The following ARHGAP8 variants were observed in gnomAD, a reference collection of about 807,000 sequenced individuals.
ARHGAP8 encodes the protein rho GTPase-activating protein 8.
Under a neutral mutation model 46.1 loss-of-function variants are expected in ARHGAP8, and 62 were observed. The observed-to-expected ratio is 1.34, with a 90% CI of 1.10 to 1.66. ARHGAP8 has a LOEUF of 1.66. Ranked by LOEUF, ARHGAP8 falls within the 40% of genes most tolerant of loss-of-function variation. The probability of loss-of-function intolerance (pLI) is 0.00; values close to 1 mark genes in which losing one functional copy is unlikely to be tolerated. For missense variants in ARHGAP8, 923 were observed against 568.4 expected (o/e 1.62, Z -6.34); for synonymous variants, 375 against 243.1 (o/e 1.54, Z -5.05).
At chr22:44,843,571 G>C (rs1238469703) in intron 7 of ARHGAP8, among the ~76,000 whole-genome samples, 1 of 152,196 alleles carries the variant, frequency 6.6e-6, no homozygotes, top group African/African-American at 2.4e-5. Flanking sequence ...GCTCATGCCT[G>C]TAATCCCAGG....
chr22:44,789,010 TC>T (rs1441628001), intron 2 of ARHGAP8, among the ~76,000 whole-genome samples: 2 of 152,240 alleles, frequency 1.3e-5, no homozygotes, highest in African/African-American at 2.4e-5. Flanking sequence ...ATCTCCTACA[TC>T]CTTATGCATA....
chr22:44,797,832 G>A (rs1569150296), intron 2 of ARHGAP8, among the ~76,000 whole-genome samples: 1 of 152,162 alleles, frequency 6.6e-6, no homozygotes. Flanking sequence ...TCAAGAGACA[G>A]GGTCTCACTC....
intron 1 of ARHGAP8, among the ~76,000 whole-genome samples, chr22:44,770,027 C>T (rs1364120998): frequency 3.9e-5 from 6 of 152,030 alleles, no homozygotes; most frequent in Admixed American, 6.6e-5. Context: ...AGGTGGATCA[C>T]GAGGTCAGGA....
rs1227374458 is a variant in ARHGAP8 at position 44,808,507 on chromosome 22, C to T, written c.299+69C>T. 5.1e-6 allele frequency: 8 copies of T among 1,579,822 alleles called. No homozygotes were observed. In the Admixed American group the frequency reaches 1.1e-4, roughly 21 times the overall value. ...GTGGCAGGAGGAGGCATTGTGGCCA[C>T]AAGGGGTCGCAGAGTGTGCAGTGGG... On this transcript the variant is annotated intron_variant, in intron 4 of 11. Coordinates refer to ENST00000356099, the MANE Select transcript of ARHGAP8 (RefSeq NM_181335.3).
At chr22:44,806,336 C>T (rs139240357) in intron 3 of ARHGAP8, among the ~76,000 whole-genome samples, 156 of 152,250 alleles carry the variant, frequency 1.0e-3, no homozygotes, top group African/African-American at 3.5e-3. Flanking sequence ...ACTTCCACAA[C>T]GGGTGAGCTG....
chr22:44,846,835 T>G (rs752536339), intron 8 of ARHGAP8, among the ~76,000 whole-genome samples: 3 of 151,094 alleles, frequency 2.0e-5, no homozygotes, highest in Non-Finnish European at 2.9e-5. Context: ...GATGCTGACT[T>G]CCATCAGGGA....
intron 10 of ARHGAP8, among the ~76,000 whole-genome samples, chr22:44,854,826 C>G (rs867200797): frequency 6.6e-6 from 1 of 151,982 alleles, no homozygotes; most frequent in African/African-American, 2.4e-5. Context: ...GTTGTAGAGA[C>G]GGGGTTTCAC....
chr22:44,833,096 C>CTTTTCTTTTCTTTT (rs535842585), intron 7 of ARHGAP8, among the ~76,000 whole-genome samples: 22 of 120,424 alleles, frequency 1.8e-4, no homozygotes, highest in African/African-American at 4.2e-4. Context: ...CTTTTCTTTT[C>CTTTTCTTTTCTTTT]TTTTTTTTTT....
At chr22:44,862,218 C>G (rs867495798) in intron 11 of ARHGAP8, 57 bp from the exon 12 acceptor site, 1 of 1,533,142 alleles carries the variant, frequency 6.5e-7, no homozygotes, top group African/African-American at 1.4e-5. Context: ...GAGGGAGTTC[C>G]AGGTGCCCGT....
intron 5 of ARHGAP8, among the ~76,000 whole-genome samples, chr22:44,821,005 C>T (rs928754174): frequency 6.6e-5 from 10 of 152,146 alleles, no homozygotes; most frequent in African/African-American, 4.8e-5. Flanking sequence ...ACAAAATAAA[C>T]GACATTGAAA....
chr22:44,780,821 C>T (rs1449632312), intron 1 of ARHGAP8, among the ~76,000 whole-genome samples: 1 of 152,218 alleles, frequency 6.6e-6, no homozygotes, highest in Admixed American at 6.5e-5. Context: ...TGAGGATCAT[C>T]CTCCTGGGTT....
At position 44,808,306 on chromosome 22, in the gene ARHGAP8, G is replaced by A; in HGVS notation, c.168-1G>A. On this transcript the variant is annotated splice_acceptor_variant, in intron 3 of 11. Coordinates refer to ENST00000356099, the MANE Select transcript of ARHGAP8 (RefSeq NM_181335.3). LOFTEE classifies it high-confidence loss of function. The stretch of plus-strand genomic sequence containing the variant: ...AACTGAATCTTCTGTGTTGTGCCCA[G>A]GTATTTGAAGTACACACTGGACCAA... The A allele has an allele frequency of 1.2e-6, 2 of 1,611,940 alleles. No homozygotes were observed. The highest frequency in any genetic ancestry group is 1.7e-6 in the Non-Finnish European group (2 of 1,178,644).
chr22:44,859,600 T>G (rs955364824), intron 10 of ARHGAP8, 131 bp from the exon 11 acceptor site: 9 of 925,102 alleles, frequency 9.7e-6, no homozygotes, highest in East Asian at 2.6e-5. Flanking sequence ...TAAGTGGGGG[T>G]CCCAAGCCCA....
chr22:44,791,160 G>C (rs1023464890), intron 2 of ARHGAP8, among the ~76,000 whole-genome samples: 1 of 145,384 alleles, frequency 6.9e-6, no homozygotes, highest in Non-Finnish European at 1.5e-5. Context: ...AAGAGGACCT[G>C]CCAGGGTTTA....
In ARHGAP8 at chr22:44,769,201, T is replaced by C. The variant is rs118033658; in HGVS notation, c.-72+16574T>C. 3.6e-3 allele frequency among the ~76,000 whole-genome samples: 545 copies of C among 152,296 alleles called. 3 individuals are homozygous for C. The highest frequency in any genetic ancestry group is 4.4e-3 in the Non-Finnish European group (299 of 68,026). ...CTGGGCTTTGGTGAGCATCCTGTTC[T>C]CCATCATCTTTCACCTGAGGCTCCA... On this transcript the variant is annotated intron_variant, in intron 1 of 11. Transcript: ENST00000356099.
At chr22:44,756,190 A>C (rs572903592) in intron 1 of ARHGAP8, among the ~76,000 whole-genome samples, 5 of 152,248 alleles carry the variant, frequency 3.3e-5, no homozygotes, top group African/African-American at 4.8e-5. Context: ...GGCAGGTCTG[A>C]ATTCCTGAAA....
At chr22:44,851,822 G>C (rs912326421) in intron 10 of ARHGAP8, among the ~76,000 whole-genome samples, 1 of 152,018 alleles carries the variant, frequency 6.6e-6, no homozygotes. Flanking sequence ...CTGGACAAAA[G>C]AGCAAGACCA....
chr22:44,767,128 C>T (rs911578086), intron 1 of ARHGAP8, among the ~76,000 whole-genome samples: 6 of 152,078 alleles, frequency 3.9e-5, no homozygotes, highest in Non-Finnish European at 7.4e-5. Context: ...GTAACTTCAC[C>T]GGCCTTTGTT....
At chr22:44,845,144 C>A in intron 7 of ARHGAP8, 125 bp from the exon 8 acceptor site, 1 of 1,169,534 alleles carries the variant, frequency 8.6e-7, no homozygotes. Context: ...GCCTACCTCT[C>A]TCTTCCTGGA....
Sources: allele counts gnomAD v4.1 joint callset (sites outside exome capture counted in the v4.1 genomes callset), GRCh38; gene constraint gnomAD v4.1.1; transcripts MANE v1.5; gene names NCBI Gene and HGNC (gene_info 2026-07-23, HGNC 2026-07-21).